The following NLGN4Y variants were observed in gnomAD, a reference collection of about 807,000 sequenced individuals.
NLGN4Y encodes neuroligin 4 Y-linked.
A neutral mutation model predicts 8.4 loss-of-function variants in NLGN4Y; 4 were observed. That is an observed-to-expected ratio of 0.48 (90% CI 0.23 to 1.09). NLGN4Y has a LOEUF of 1.09. NLGN4Y is among the 50% of genes least tolerant of loss of function. The probability of loss-of-function intolerance (pLI) is 0.19; values close to 1 mark genes in which losing one functional copy is unlikely to be tolerated. For missense variants in NLGN4Y, 90 were observed against 192.3 expected (o/e 0.47, Z 3.15); for synonymous variants, 35 against 75.6 (o/e 0.46, Z 2.78).
At chrY:14,677,171 A>C in intron 2 of NLGN4Y, among the ~76,000 whole-genome samples, 1 of 33,798 alleles carries the variant, frequency 3.0e-5, no homozygotes, top group South Asian at 6.6e-4. Context: ...TGTATTTCTA[A>C]TAGTTCCAGA....
chrY:14,669,255 C>T, intron 2 of NLGN4Y, among the ~76,000 whole-genome samples: 2 of 33,034 alleles, frequency 6.1e-5, no homozygotes, highest in Non-Finnish European at 1.5e-4. Flanking sequence ...CTAAAACTTG[C>T]ATGGTTTTGG....
chrY:14,620,831 A>G (rs2080505271), intron 1 of NLGN4Y, among the ~76,000 whole-genome samples: 1 of 33,243 alleles, frequency 3.0e-5, no homozygotes, highest in African/African-American at 1.2e-4. Flanking sequence ...TTCCCTAGGG[A>G]TAGTCATATT....
chrY:14,554,382 A>G (rs2080205157), intron 1 of NLGN4Y, among the ~76,000 whole-genome samples: 2 of 29,853 alleles, frequency 6.7e-5, no homozygotes, highest in African/African-American at 2.7e-4. Flanking sequence ...TTGATTTAAA[A>G]TCTATTTTTT....
intron 1 of NLGN4Y, among the ~76,000 whole-genome samples, chrY:14,559,844 T>A (rs1014071768): frequency 2.1e-4 from 7 of 33,365 alleles, no homozygotes; most frequent in Admixed American, 1.7e-3. Context: ...ATAAATTACA[T>A]GAGATGCTCA....
chrY:14,833,556 C>T (rs888411891), intron 6 of NLGN4Y, among the ~76,000 whole-genome samples: 2 of 33,928 alleles, frequency 5.9e-5, no homozygotes, highest in African/African-American at 1.2e-4. Flanking sequence ...CCAGTCCCTC[C>T]GTTTGGTGTC....
chrY:14,604,113 C>T, intron 1 of NLGN4Y, among the ~76,000 whole-genome samples: 1 of 32,901 alleles, frequency 3.0e-5, no homozygotes, highest in Non-Finnish European at 7.5e-5. Context: ...GTGGATGCCA[C>T]GTGAATGGCA....
At chrY:14,693,957 T>G in intron 2 of NLGN4Y, among the ~76,000 whole-genome samples, 1 of 32,892 alleles carries the variant, frequency 3.0e-5, no homozygotes, top group Non-Finnish European at 7.5e-5. Context: ...CCTTGTTGGC[T>G]ATGTTTCATC....
intron 4 of NLGN4Y, among the ~76,000 whole-genome samples, chrY:14,757,150 T>G (rs371080669): frequency 0.037 from 1,120 of 30,227 alleles, no homozygotes; most frequent in Middle Eastern, 0.28. Flanking sequence ...CTCTGGCTCC[T>G]TTTTTAGTTT....
chrY:14,663,638 C>T (rs2080682534), intron 2 of NLGN4Y, among the ~76,000 whole-genome samples: 1 of 31,935 alleles, frequency 3.1e-5, no homozygotes, highest in Non-Finnish European at 7.6e-5. Context: ...GGTGAAACCT[C>T]GTCTCCACTA....
At chrY:14,648,864 A>G in intron 2 of NLGN4Y, among the ~76,000 whole-genome samples, 1 of 31,641 alleles carries the variant, frequency 3.2e-5, no homozygotes. Context: ...GCTGAGTGTG[A>G]TGGCAAGCAT....
intron 1 of NLGN4Y, among the ~76,000 whole-genome samples, chrY:14,531,222 A>C: frequency 3.0e-5 from 1 of 33,431 alleles, no homozygotes. Context: ...GATTATATCT[A>C]TAGAGCCTTC....
chrY:14,556,170 A>G (rs112153921), intron 1 of NLGN4Y, among the ~76,000 whole-genome samples: 3 of 32,586 alleles, frequency 9.2e-5, no homozygotes, highest in African/African-American at 3.6e-4. Context: ...ACAAAGAAAA[A>G]ATGGTGGATA....
chrY:14,564,246 T>A, intron 1 of NLGN4Y, among the ~76,000 whole-genome samples: 2 of 33,639 alleles, frequency 5.9e-5, no homozygotes, highest in South Asian at 1.3e-3. Flanking sequence ...TATGTCTTGT[T>A]TCTCATTGGT....
At chrY:14,547,831 G>A in intron 1 of NLGN4Y, among the ~76,000 whole-genome samples, 2 of 33,513 alleles carry the variant, frequency 6.0e-5, no homozygotes, top group Non-Finnish European at 1.5e-4. Context: ...CTGGGTTAGA[G>A]ATTGAGGAAA....
chrY:14,716,769 T>C, intron 2 of NLGN4Y, among the ~76,000 whole-genome samples: 1 of 33,383 alleles, frequency 3.0e-5, no homozygotes, highest in African/African-American at 1.2e-4. Flanking sequence ...GGAGAGGAGA[T>C]TGGCTAACTA....
chrY:14,715,238 A>G (rs2080911730), intron 2 of NLGN4Y, among the ~76,000 whole-genome samples: 1 of 33,418 alleles, frequency 3.0e-5, no homozygotes, highest in Non-Finnish European at 7.4e-5. Context: ...AGGATCTGGA[A>G]CTAGAAATAC....
At chrY:14,597,397 C>T in intron 1 of NLGN4Y, among the ~76,000 whole-genome samples, 1 of 32,999 alleles carries the variant, frequency 3.0e-5, no homozygotes, top group Non-Finnish European at 7.4e-5. Context: ...TTATCTGGCC[C>T]CATCCACATC....
chrY:14,750,447 A>G, intron 4 of NLGN4Y, among the ~76,000 whole-genome samples: 1 of 33,412 alleles, frequency 3.0e-5, no homozygotes, highest in Non-Finnish European at 7.4e-5. Context: ...GGGTGCTGGG[A>G]GTAAGACATG....
chrY:14,595,623 T>C (rs748927174), intron 1 of NLGN4Y, among the ~76,000 whole-genome samples: 1 of 32,828 alleles, frequency 3.0e-5, no homozygotes, highest in South Asian at 7.0e-4. Context: ...GGTTTGTGGG[T>C]CAAATTGGTC....
Sources: gnomAD v4.1 joint callset for allele counts (sites outside exome capture counted in the v4.1 genomes callset) on GRCh38, gnomAD v4.1.1 for gene constraint, MANE v1.5 for transcripts, NCBI Gene and HGNC (gene_info 2026-07-23, HGNC 2026-07-21) for gene names.